LEPROTL1: variants seen among roughly 807,000 people sequenced by gnomAD.
LEPROTL1 encodes leptin receptor overlapping transcript-like 1.
A neutral mutation model predicts 15.4 loss-of-function variants in LEPROTL1; 6 were observed. The observed-to-expected ratio is 0.39, with a 90% CI of 0.21 to 0.77. The LOEUF (loss-of-function observed/expected upper bound fraction) is 0.77, where lower values mean the gene tolerates loss of function less well. Among genes scored for constraint, LEPROTL1 ranks in the 30% least tolerant of loss-of-function variants. The pLI, the probability that LEPROTL1 is intolerant of heterozygous loss-of-function variation, is 0.41. For synonymous variants in LEPROTL1, 56 were observed against 52.6 expected, an observed-to-expected ratio of 1.06 and a Z score of -0.28; for missense variants, 128 against 158.1, an observed-to-expected ratio of 0.81 and a Z score of 1.02.
intron 3 of LEPROTL1, among the ~76,000 whole-genome samples, chr8:30,125,605 T>A (rs1255348967): frequency 2.0e-5 from 3 of 152,240 alleles, no homozygotes; most frequent in African/African-American, 7.2e-5. Context: ...ATAGAACACT[T>A]ATACAATCAT....
chr8:30,109,586 G>A (rs1233870983), downstream of LEPROTL1, among the ~76,000 whole-genome samples: 2 of 152,084 alleles, frequency 1.3e-5, no homozygotes, highest in Admixed American at 1.3e-4. Context: ...CTGCCGACCT[G>A]TATTTTTCTG....
intron 4 of LEPROTL1, chr8:30,132,697 C>A: frequency 6.4e-7 from 1 of 1,551,672 alleles, no homozygotes; most frequent in Non-Finnish European, 8.7e-7. Context: ...AGCCTGAAAT[C>A]GCTGGAAGGA....
At chr8:30,130,781 ATT>A (rs11411595) in intron 3 of LEPROTL1, among the ~76,000 whole-genome samples, 1 of 134,004 alleles carries the variant, frequency 7.5e-6, no homozygotes, top group Non-Finnish European at 1.6e-5. Context: ...TCAAAAAAAA[ATT>A]TTTTTTTTTT....
chr8:30,105,921 A>G lies in LEPROTL1; in HGVS notation c.*59A>G, dbSNP rs891355680. Reference sequence around the variant, plus strand: ...CCTGTCATTTGTTGGCCATTCACGCACACAGGAGATGGGGCAGTTAATGCT... The same window carrying G: ...CCTGTCATTTGTTGGCCATTCACGCGCACAGGAGATGGGGCAGTTAATGCT... On this transcript the variant is annotated 3_prime_UTR_variant, in exon 4 of 4. Coordinates refer to ENST00000321250, the MANE Select transcript of LEPROTL1 (RefSeq NM_015344.3). 1.1e-5 allele frequency: 15 copies of G among 1,425,010 alleles called. No homozygotes were observed. In the Admixed American group the frequency reaches 1.5e-4, roughly 15 times the overall value. 88.3% of individuals were successfully genotyped at this position (1,425,010 alleles called of 1,614,324 possible).
At chr8:30,136,742 T>G (rs909329482) in intron 4 of LEPROTL1, among the ~76,000 whole-genome samples, 7 of 151,998 alleles carry the variant, frequency 4.6e-5, no homozygotes, top group Middle Eastern at 3.4e-3. Context: ...TTTTTTTTTT[T>G]TTTTGAGACA....
At chr8:30,127,164 G>T (rs1802916576) in intron 3 of LEPROTL1, among the ~76,000 whole-genome samples, 1 of 152,202 alleles carries the variant, frequency 6.6e-6, no homozygotes, top group African/African-American at 2.4e-5. Context: ...GCTGCTCTTA[G>T]AAAGGCTAAT....
chr8:30,101,753 A>G, intron 1 of LEPROTL1, 145 bp from the exon 2 acceptor site: 2 of 518,422 alleles, frequency 3.9e-6, no homozygotes, highest in Non-Finnish European at 6.7e-6. Context: ...CTAAGACTAG[A>G]TAACTTACAC....
At chr8:30,101,510 A>G (rs1174757828) in intron 1 of LEPROTL1, among the ~76,000 whole-genome samples, 5 of 152,018 alleles carry the variant, frequency 3.3e-5, no homozygotes, top group Admixed American at 2.6e-4. Flanking sequence ...TCTACTGAAA[A>G]TAGAAAATTA....
chr8:30,121,890 G>A (rs955940228), intron 3 of LEPROTL1, among the ~76,000 whole-genome samples: 1 of 151,942 alleles, frequency 6.6e-6, no homozygotes, highest in South Asian at 2.1e-4. Flanking sequence ...AATTAGGCTG[G>A]CACAGTGGCT....
chr8:30,095,632 C>T (rs1009292069), intron 1 of LEPROTL1, 104 bp downstream of exon 1: 4 of 970,204 alleles, frequency 4.1e-6, no homozygotes, highest in Middle Eastern at 3.6e-4. Context: ...CGCGCGCGCG[C>T]GTGGGGTCCC....
At chr8:30,096,741 TA>T (rs1802373720) in intron 1 of LEPROTL1, among the ~76,000 whole-genome samples, 1 of 152,228 alleles carries the variant, frequency 6.6e-6, no homozygotes, top group Non-Finnish European at 1.5e-5. Context: ...AATAGCTTTG[TA>T]ATTTACTTCT....
At chr8:30,115,012 T>C (rs910656536) in intron 3 of LEPROTL1, among the ~76,000 whole-genome samples, 1 of 152,128 alleles carries the variant, frequency 6.6e-6, no homozygotes, top group African/African-American at 2.4e-5. Flanking sequence ...TATACAACTT[T>C]TCCCTTATTT....
chr8:30,125,712 T>C (rs537536789), intron 3 of LEPROTL1, among the ~76,000 whole-genome samples: 145 of 152,354 alleles, frequency 9.5e-4, no homozygotes, highest in Non-Finnish European at 1.6e-3. Context: ...ATGGAATTGC[T>C]TGGGTCCCAC....
chr8:30,117,779 T>C (rs11986385), intron 3 of LEPROTL1: 732,487 of 797,484 alleles, frequency 0.92, 337,652 homozygotes, highest in South Asian at 0.97. Context: ...ATGCGCACCA[T>C]TGTGGCGGCG....
downstream of LEPROTL1, among the ~76,000 whole-genome samples, chr8:30,111,356 TTTA>T (rs1238638561): frequency 1.3e-5 from 2 of 152,206 alleles, no homozygotes; most frequent in Admixed American, 6.5e-5. Flanking sequence ...AATTAAATAA[TTTA>T]TTATCAACTA....
At chr8:30,112,692 C>T (rs932615496), downstream of LEPROTL1, among the ~76,000 whole-genome samples, 2 of 151,824 alleles carry the variant, frequency 1.3e-5, no homozygotes, top group African/African-American at 4.8e-5. Context: ...GTAACCTTAG[C>T]CGAGTTATTT....
At chr8:30,096,067 C>T (rs1802359599) in intron 1 of LEPROTL1, among the ~76,000 whole-genome samples, 2 of 152,194 alleles carry the variant, frequency 1.3e-5, no homozygotes, top group African/African-American at 4.8e-5. Context: ...GCTCCCGAAA[C>T]GGGTGCATTT....
At chr8:30,119,381 C>T (rs1285068402) in intron 3 of LEPROTL1, among the ~76,000 whole-genome samples, 1 of 152,210 alleles carries the variant, frequency 6.6e-6, no homozygotes, top group African/African-American at 2.4e-5. Context: ...TCTTTCTTTT[C>T]CCTACAGTCT....
chr8:30,102,180 GCT>G (rs1230400769), intron 2 of LEPROTL1, among the ~76,000 whole-genome samples: 2 of 152,140 alleles, frequency 1.3e-5, no homozygotes, highest in Non-Finnish European at 2.9e-5. Context: ...GCTGTTACCT[GCT>G]CTTTCACTAC....
Sources: gnomAD v4.1 joint callset for allele counts (sites outside exome capture counted in the v4.1 genomes callset) on GRCh38, gnomAD v4.1.1 for gene constraint, MANE v1.5 for transcripts, NCBI Gene and HGNC (gene_info 2026-07-23, HGNC 2026-07-21) for gene names.